ITGA2: variants seen among roughly 807,000 people sequenced by gnomAD.
ITGA2 encodes the protein integrin subunit alpha 2.
ITGA2 carries 101 observed loss-of-function variants against 146.3 expected under a neutral mutation model. The observed-to-expected ratio is 0.69, with a 90% CI of 0.59 to 0.81. The LOEUF (loss-of-function observed/expected upper bound fraction) is 0.81. Among genes scored for constraint, ITGA2 ranks in the 40% least tolerant of loss-of-function variants. The pLI, the probability that ITGA2 is intolerant of heterozygous loss-of-function variation, is 0.00. For missense variants in ITGA2, 1,281 were observed against 1,402.7 expected, an observed-to-expected ratio of 0.91 and a Z score of 1.39; for synonymous variants, 477 against 487.1, an observed-to-expected ratio of 0.98 and a Z score of 0.27.
At chr5:53,017,601 A>G (rs1052449967) in intron 1 of ITGA2, among the ~76,000 whole-genome samples, 4 of 152,298 alleles carry the variant, frequency 2.6e-5, no homozygotes, top group Middle Eastern at 3.4e-3. Flanking sequence ...CCGTGTGCCC[A>G]TGTGTCAGCT....
At chr5:53,079,664 A>C (rs1406474939) in intron 24 of ITGA2, among the ~76,000 whole-genome samples, 1 of 152,118 alleles carries the variant, frequency 6.6e-6, no homozygotes, top group Non-Finnish European at 1.5e-5. Context: ...TCTTTAGAAG[A>C]ATCTTTATGA....
intron 16 of ITGA2, 87 bp downstream of exon 16, chr5:53,067,344 A>G: frequency 7.0e-7 from 1 of 1,430,048 alleles, no homozygotes; most frequent in Non-Finnish European, 9.8e-7. Context: ...TTTGTAGGCC[A>G]AGAGAAATAA....
chr5:52,989,500 T>C lies in ITGA2; in HGVS notation c.32T>C (p.Leu11Pro), dbSNP rs1474372098. 1.9e-6 allele frequency: 3 copies of C among 1,613,356 alleles called. No homozygotes were observed. Among genetic ancestry groups the C allele is most frequent in the Admixed American group, 3.3e-5 (2 of 59,980 alleles). ...CCAGAACGGACAGGGGCCGCGCCGC[T>C]GCCGCTGCTGCTGGTGTTAGCGCTC... MGPERTGAAP[L>P]PLLLVLALSQ... Residue 11 changes from leucine to proline, a missense_variant, in exon 1 of 30, where the codon CTG becomes CCG. This residue lies in a region of ITGA2 where 795 missense variants were observed against 841.7 expected (regional missense o/e 0.94). Coordinates refer to ENST00000296585, the MANE Select transcript of ITGA2 (RefSeq NM_002203.4).
intron 23 of ITGA2, among the ~76,000 whole-genome samples, chr5:53,075,954 GAGC>G (rs1745645895): frequency 1.3e-5 from 2 of 152,058 alleles, no homozygotes; most frequent in African/African-American, 2.4e-5. Context: ...GCAAACCTGA[GAGC>G]AGTGGTGTAA....
At chr5:53,047,342 TTAATC>T (rs1197611684) in intron 4 of ITGA2, among the ~76,000 whole-genome samples, 1 of 152,336 alleles carries the variant, frequency 6.6e-6, no homozygotes, top group East Asian at 1.9e-4. Context: ...TTAAAGTTAT[TTAATC>T]TAATGTTTCT....
intron 14 of ITGA2, 82 bp downstream of exon 14, chr5:53,065,197 A>C (rs563312342): frequency 7.5e-7 from 1 of 1,333,870 alleles, no homozygotes; most frequent in East Asian, 2.3e-5. Context: ...TAAACCATGC[A>C]ATCCGTCCGC....
At chr5:53,061,885 CT>C (rs1744918959) in intron 12 of ITGA2, among the ~76,000 whole-genome samples, 1 of 151,916 alleles carries the variant, frequency 6.6e-6, no homozygotes, top group South Asian at 2.1e-4. Flanking sequence ...GACCCGAGTT[CT>C]TGACTTCCGT....
chr5:53,075,586 T>C (rs1745627159), intron 23 of ITGA2, among the ~76,000 whole-genome samples: 1 of 151,892 alleles, frequency 6.6e-6, no homozygotes, highest in African/African-American at 2.4e-5. Context: ...GCCCTCTGAG[T>C]AGCTGCAAAC....
At chr5:52,995,384 A>C (rs1289722275) in intron 1 of ITGA2, among the ~76,000 whole-genome samples, 1 of 152,156 alleles carries the variant, frequency 6.6e-6, no homozygotes, top group East Asian at 1.9e-4. Flanking sequence ...ACCAGTTGTG[A>C]GATGATGGTG....
chr5:53,051,381 G>T, intron 6 of ITGA2, 30 bp from the exon 7 acceptor site: 1 of 1,603,980 alleles, frequency 6.2e-7, no homozygotes, highest in Non-Finnish European at 8.5e-7. Flanking sequence ...TGTAATGACA[G>T]CCCATTAATA....
chr5:53,056,265 A>G, intron 9 of ITGA2, 116 bp downstream of exon 9: 3 of 814,062 alleles, frequency 3.7e-6, no homozygotes, highest in Non-Finnish European at 5.9e-6. Context: ...AAGAGCTACT[A>G]CAATCAGTAA....
chr5:53,045,387 C>A (rs1744026741), intron 4 of ITGA2, among the ~76,000 whole-genome samples: 2 of 152,162 alleles, frequency 1.3e-5, no homozygotes, highest in African/African-American at 2.4e-5. Context: ...ACAGCAGAAT[C>A]CCAAATCTCA....
chr5:53,051,584 A>G (rs1307792734), intron 7 of ITGA2, 25 bp downstream of exon 7: 13 of 1,604,328 alleles, frequency 8.1e-6, no homozygotes, highest in South Asian at 2.2e-5. Flanking sequence ...TAATAGGCCA[A>G]TGTTTTCATA....
chr5:53,022,208 A>T (rs1382092914), intron 1 of ITGA2, among the ~76,000 whole-genome samples: 8 of 113,532 alleles, frequency 7.0e-5, no homozygotes, highest in South Asian at 2.8e-4. Flanking sequence ...GTTTCACTGC[A>T]TTTTTTTTTT....
At chr5:53,083,546 T>G in intron 27 of ITGA2, 93 bp downstream of exon 27, 1 of 842,186 alleles carries the variant, frequency 1.2e-6, no homozygotes, top group Admixed American at 1.8e-5. Flanking sequence ...ATAAGTATTC[T>G]GGCTAATGTC....
intron 1 of ITGA2, among the ~76,000 whole-genome samples, chr5:53,018,381 G>A (rs933978382): frequency 2.0e-5 from 3 of 152,148 alleles, no homozygotes; most frequent in East Asian, 1.9e-4. Flanking sequence ...GGATGCTGGA[G>A]GTCCATGGCA....
At chr5:52,995,524 C>T (rs1266960046) in intron 1 of ITGA2, among the ~76,000 whole-genome samples, 1 of 152,068 alleles carries the variant, frequency 6.6e-6, no homozygotes, top group Non-Finnish European at 1.5e-5. Context: ...GAAGATAAGG[C>T]TGATGCTTAG....
intron 6 of ITGA2, among the ~76,000 whole-genome samples, chr5:53,049,881 A>G (rs987453553): frequency 1.3e-5 from 2 of 152,182 alleles, no homozygotes; most frequent in Non-Finnish European, 2.9e-5. Context: ...AATGCTTTCC[A>G]GCTATCTTTA....
At chr5:52,989,824 A>G (rs1218376712) in intron 1 of ITGA2, among the ~76,000 whole-genome samples, 2 of 143,514 alleles carry the variant, frequency 1.4e-5, no homozygotes, top group Non-Finnish European at 3.1e-5. Context: ...GCACACACAC[A>G]CACACACACA....
Sources: allele counts gnomAD v4.1 joint callset (sites outside exome capture counted in the v4.1 genomes callset), GRCh38; gene constraint gnomAD v4.1.1; regional missense constraint gnomAD v4.1.1; transcripts MANE v1.5; gene names NCBI Gene and HGNC (gene_info 2026-07-23, HGNC 2026-07-21).